Variants in PCLO observed in about 807,000 individuals in gnomAD.
PCLO encodes protein piccolo.
In PCLO, 82 loss-of-function variants were observed where a neutral mutation model predicts 427.5. That is an observed-to-expected ratio of 0.19 (90% confidence interval 0.16 to 0.23). The LOEUF is 0.23. Among genes scored for constraint, PCLO ranks in the 10% least tolerant of loss-of-function variants. The pLI, the probability that PCLO is intolerant of heterozygous loss-of-function variation, is 1.00. For synonymous variants in PCLO, 2,357 were observed against 2,155.4 expected, an observed-to-expected ratio of 1.09 and a Z score of -2.59; for missense variants, 6,239 against 6,115.9, an observed-to-expected ratio of 1.02 and a Z score of -0.67.
At chr7:82,980,928 G>C (rs531554600) in intron 3 of PCLO, among the ~76,000 whole-genome samples, 1 of 152,058 alleles carries the variant, frequency 6.6e-6, no homozygotes, top group African/African-American at 2.4e-5. Context: ...CTATAATTAT[G>C]TTCAATACAC....
chr7:82,817,125 G>T (rs1791693203), intron 20 of PCLO, among the ~76,000 whole-genome samples: 1 of 152,086 alleles, frequency 6.6e-6, no homozygotes, highest in African/African-American at 2.4e-5. Context: ...CAGAGAAATA[G>T]GTATAGAACT....
chr7:83,093,494 T>TA (rs1366527152), intron 3 of PCLO, among the ~76,000 whole-genome samples: 14 of 70,732 alleles, frequency 2.0e-4, no homozygotes, highest in African/African-American at 9.6e-4. Context: ...ATATATATAT[T>TA]TTTTTTTTTT....
chr7:83,099,244 T>C (rs1790673963), intron 3 of PCLO, among the ~76,000 whole-genome samples: 1 of 132,064 alleles, frequency 7.6e-6, no homozygotes, highest in Non-Finnish European at 1.6e-5. Flanking sequence ...GCACGCAGAG[T>C]GGAGGCAACG....
At chr7:83,139,240 A>G (rs1422088094) in intron 2 of PCLO, among the ~76,000 whole-genome samples, 1 of 152,170 alleles carries the variant, frequency 6.6e-6, no homozygotes, top group Non-Finnish European at 1.5e-5. Context: ...AACTGAATAA[A>G]TATTCTACAT....
At chr7:82,843,448 G>A (rs1792417637) in intron 13 of PCLO, among the ~76,000 whole-genome samples, 1 of 152,096 alleles carries the variant, frequency 6.6e-6, no homozygotes, top group African/African-American at 2.4e-5. Flanking sequence ...ACTTCTCTTA[G>A]AAGGAAGTCA....
chr7:82,887,223 T>C (rs1343403685), intron 9 of PCLO, among the ~76,000 whole-genome samples: 1 of 152,150 alleles, frequency 6.6e-6, no homozygotes, highest in East Asian at 1.9e-4. Flanking sequence ...CTGTAGGATG[T>C]CCAGCATACA....
intron 22 of PCLO, among the ~76,000 whole-genome samples, chr7:82,792,422 G>A (rs1791121154): frequency 6.6e-6 from 1 of 151,356 alleles, no homozygotes; most frequent in African/African-American, 2.4e-5. Context: ...TGCCTCCTGA[G>A]CCCAAGCGAT....
intron 3 of PCLO, among the ~76,000 whole-genome samples, chr7:83,120,337 G>A (rs972014661): frequency 1.3e-5 from 2 of 148,222 alleles, no homozygotes; most frequent in African/African-American, 2.5e-5. Flanking sequence ...GGGAGGCAGA[G>A]GTTGAGGGAG....
intron 10 of PCLO, among the ~76,000 whole-genome samples, chr7:82,851,956 T>C (rs1792670380): frequency 6.6e-6 from 1 of 152,100 alleles, no homozygotes; most frequent in Admixed American, 6.6e-5. Context: ...TTTAAATTTA[T>C]ATATTTTTCA....
rs183120179 is a variant in PCLO at position 82,851,250 on chromosome 7, T to C, written c.13655-4003A>G. On this transcript the variant is annotated intron_variant, in intron 10 of 24. Transcript: ENST00000333891. ...GAGGAGGTGGAGGTATCAAGAGAAA[T>C]AGGCATTGAGAGCATTGAGAGTGCT... Among the ~76,000 whole-genome samples the C allele has an allele frequency of 6.6e-5, 10 of 151,662 alleles. No homozygotes were observed. In the East Asian group the frequency reaches 1.4e-3, roughly 21 times the overall value.
intron 1 of PCLO, among the ~76,000 whole-genome samples, chr7:83,159,946 AGAG>A (rs557623463): frequency 1.3e-3 from 202 of 152,254 alleles, no homozygotes; most frequent in Non-Finnish European, 2.4e-3. Flanking sequence ...GTTTGTGGGC[AGAG>A]GAGGTGGTTT....
rs866091011 is a variant in PCLO, at chr7:83,162,436, TCTC to T, written c.154_156del (p.Glu52del). 6.3e-7 allele frequency: 1 copy of T among 1,596,376 alleles called. No homozygotes were observed. Among genetic ancestry groups the T allele is most frequent in the African/African-American group, 1.3e-5 (1 of 74,562 alleles). On this transcript the variant is annotated inframe_deletion, in exon 1 of 25. Coordinates refer to ENST00000333891, the MANE Select transcript of PCLO (RefSeq NM_033026.6). ...GACATGACAGCGGCGATCTGTCTCC[TCTC>T]CTCTTCGCTCAGCTGGCTCAAATCC... is the stretch of plus-strand genomic sequence containing the variant.
chr7:82,916,867 C>T lies in PCLO; in HGVS notation c.11119G>A (p.Gly3707Ser), dbSNP rs200496164. Residue 3707 changes from glycine to serine, a missense_variant, in exon 7 of 25, where the codon GGT becomes AGT. This residue lies in a region of PCLO where 4,677 missense variants were observed against 4,468.4 expected (regional missense o/e 1.05). Coordinates refer to ENST00000333891, the MANE Select transcript of PCLO (RefSeq NM_033026.6). The part of the protein sequence containing the change: ...FQYTEGYTTK[G>S]SQTMTSSGAQ... Reference sequence around the variant, plus strand: ...CCAGAGGATGTCATGGTTTGAGAACCTTTAGTCTATAATCAAGTAAACAAA... The same window carrying T: ...CCAGAGGATGTCATGGTTTGAGAACTTTTAGTCTATAATCAAGTAAACAAA... 1.1e-5 allele frequency: 18 copies of T among 1,609,684 alleles called. No homozygotes were observed. The highest frequency in any genetic ancestry group is 1.5e-5 in the Non-Finnish European group (18 of 1,177,966).
At chr7:82,805,941 GA>G in intron 20 of PCLO, 112 bp from the exon 21 acceptor site, 1 of 1,028,184 alleles carries the variant, frequency 9.7e-7, no homozygotes, top group East Asian at 2.7e-5. Context: ...AACAGCTACT[GA>G]AGAACTCTAC....
At chr7:83,122,862 T>C (rs1035021390) in intron 3 of PCLO, among the ~76,000 whole-genome samples, 1 of 152,004 alleles carries the variant, frequency 6.6e-6, no homozygotes, top group Non-Finnish European at 1.5e-5. Flanking sequence ...CCTCACAAAA[T>C]AAGAAAGTAA....
intron 17 of PCLO, 109 bp downstream of exon 17, chr7:82,827,764 T>A: frequency 2.7e-5 from 16 of 592,528 alleles, no homozygotes; most frequent in Non-Finnish European, 4.0e-5. Flanking sequence ...TTACTCAACT[T>A]TTTTTGTTTG....
chr7:82,889,412 G>A (rs1793706093), intron 9 of PCLO, among the ~76,000 whole-genome samples: 2 of 152,144 alleles, frequency 1.3e-5, no homozygotes, highest in Non-Finnish European at 2.9e-5. Flanking sequence ...AATACTTAGA[G>A]CAACATGATA....
intron 3 of PCLO, among the ~76,000 whole-genome samples, chr7:83,083,092 T>A (rs778708602): frequency 6.6e-6 from 1 of 151,938 alleles, no homozygotes; most frequent in Non-Finnish European, 1.5e-5. Flanking sequence ...CTTTATTTTA[T>A]ATCCCACACA....
intron 24 of PCLO, among the ~76,000 whole-genome samples, chr7:82,759,773 C>G (rs1262035349): frequency 1.3e-5 from 2 of 151,510 alleles, no homozygotes; most frequent in African/African-American, 4.8e-5. Flanking sequence ...TACTTTTATT[C>G]CTTGTCTCTA....
Sources: allele counts gnomAD v4.1 joint callset (sites outside exome capture counted in the v4.1 genomes callset), GRCh38; gene constraint gnomAD v4.1.1; regional missense constraint gnomAD v4.1.1; transcripts MANE v1.5; gene names NCBI Gene and HGNC (gene_info 2026-07-23, HGNC 2026-07-21).